Variants in EYA2 observed in about 807,000 individuals in gnomAD.
EYA2 encodes the protein EYA transcriptional coactivator and phosphatase 2.
A neutral mutation model predicts 69.2 loss-of-function variants in EYA2; 31 were observed. The ratio of observed to expected loss-of-function variants is 0.45; its 90% CI spans 0.34 to 0.60. The LOEUF (loss-of-function observed/expected upper bound fraction) is 0.60, where lower values mean the gene tolerates loss of function less well. EYA2 is among the 20% of genes least tolerant of loss of function. EYA2 has a pLI of 0.02. For synonymous variants in EYA2, 257 were observed against 279.4 expected, an observed-to-expected ratio of 0.92 and a Z score of 0.80; for missense variants, 622 against 701.2, an observed-to-expected ratio of 0.89 and a Z score of 1.28.
intron 1 of EYA2, among the ~76,000 whole-genome samples, chr20:46,986,314 TATATATA>T (rs1033804333): frequency 2.0e-5 from 3 of 146,838 alleles, no homozygotes; most frequent in African/African-American, 7.4e-5. Context: ...TATTATATAT[TATATATA>T]ATATCTCTAT....
intron 1 of EYA2, among the ~76,000 whole-genome samples, chr20:46,913,938 GT>G (rs779272628): frequency 2.0e-5 from 3 of 152,202 alleles, no homozygotes; most frequent in Non-Finnish European, 2.9e-5. Flanking sequence ...GAGAGTTGAG[GT>G]TAATCAGCAT....
At chr20:46,938,351 G>GTAGTATC (rs1986009811) in intron 1 of EYA2, among the ~76,000 whole-genome samples, 1 of 152,202 alleles carries the variant, frequency 6.6e-6, no homozygotes, top group South Asian at 2.1e-4. Flanking sequence ...AGCATGTGCA[G>GTAGTATC]TAGTATCTAT....
At chr20:46,949,615 C>T (rs771357309) in intron 1 of EYA2, among the ~76,000 whole-genome samples, 1 of 152,206 alleles carries the variant, frequency 6.6e-6, no homozygotes, top group Non-Finnish European at 1.5e-5. Flanking sequence ...TCAGCCTGCA[C>T]ATGGAGCTAG....
intron 10 of EYA2, among the ~76,000 whole-genome samples, chr20:47,167,813 C>T (rs904828439): frequency 2.0e-5 from 3 of 152,104 alleles, no homozygotes; most frequent in Non-Finnish European, 4.4e-5. Context: ...TCCTGATTGC[C>T]ATTTAAAGTA....
chr20:47,041,866 T>C (rs1305675299), intron 5 of EYA2, among the ~76,000 whole-genome samples: 3 of 152,152 alleles, frequency 2.0e-5, no homozygotes, highest in African/African-American at 7.2e-5. Context: ...AGACTTCTTT[T>C]GGTTCAAAAG....
intron 1 of EYA2, among the ~76,000 whole-genome samples, chr20:46,948,229 T>C (rs1431939571): frequency 2.0e-5 from 3 of 152,200 alleles, no homozygotes; most frequent in African/African-American, 7.2e-5. Flanking sequence ...TATTTTTGGC[T>C]TTGCGGGCCA....
At chr20:46,906,222 A>G (rs1984349407) in intron 1 of EYA2, among the ~76,000 whole-genome samples, 1 of 152,274 alleles carries the variant, frequency 6.6e-6, no homozygotes, top group Non-Finnish European at 1.5e-5. Flanking sequence ...GCACACAGCC[A>G]TGGCAGAGTT....
chr20:47,074,007 G>A lies in EYA2; in HGVS notation c.484-151G>A, dbSNP rs972342357. On this transcript the variant is annotated intron_variant, in intron 6 of 15. Transcript: ENST00000327619. ...CTCCTTGCACTTGAATCCTTGCCCCGGGGTCTGCTTCTGGGAAACCAAAAT... is the reference window on the plus strand; with the variant it reads ...CTCCTTGCACTTGAATCCTTGCCCCAGGGTCTGCTTCTGGGAAACCAAAAT... 4.9e-5 allele frequency: 31 copies of A among 635,074 alleles called. No homozygotes were observed. In the Middle Eastern group the frequency reaches 1.0e-3, roughly 21 times the overall value. 39.3% of individuals were successfully genotyped at this position (635,074 alleles called of 1,614,324 possible).
intron 15 of EYA2, among the ~76,000 whole-genome samples, chr20:47,184,022 A>G (rs1007610608): frequency 2.0e-5 from 3 of 152,168 alleles, no homozygotes; most frequent in Non-Finnish European, 4.4e-5. Flanking sequence ...AGGAAATGCA[A>G]AAATGTTCAG....
chr20:47,081,605 C>T (rs1283422828), intron 7 of EYA2, among the ~76,000 whole-genome samples: 3 of 151,636 alleles, frequency 2.0e-5, no homozygotes, highest in East Asian at 4.0e-4. Flanking sequence ...ATGGCGAAAC[C>T]CCGTCTCTAC....
chr20:47,107,525 C>CAAAAAAA (rs111607473), intron 9 of EYA2, among the ~76,000 whole-genome samples: 1 of 125,274 alleles, frequency 8.0e-6, no homozygotes, highest in African/African-American at 3.1e-5. Flanking sequence ...GACTCTGTAT[C>CAAAAAAA]AAAAAAAAAA....
At chr20:47,069,088 T>G (rs1203979584) in intron 5 of EYA2, among the ~76,000 whole-genome samples, 1 of 152,206 alleles carries the variant, frequency 6.6e-6, no homozygotes, top group Non-Finnish European at 1.5e-5. Context: ...TTCAGTCCAA[T>G]TCCTACCAAA....
In EYA2 at chr20:47,134,591, AACAC is replaced by A. The variant is rs1026299098; in HGVS notation, c.889-8459_889-8456del. On this transcript the variant is annotated intron_variant, in intron 9 of 15. Coordinates refer to ENST00000327619, the MANE Select transcript of EYA2 (RefSeq NM_005244.5). ...CCCACCACATACACACACACACACA[AACAC>A]ACACACACCCCAACTGGAATAGGTG... Among the ~76,000 whole-genome samples the A allele has an allele frequency of 4.5e-5, 6 of 131,880 alleles. No individual in the cohort carries two copies. The East Asian group carries it at 5.9e-4, about 13-fold the overall frequency. The allele number at this position is 131,880 out of a possible 152,430, so 86.5% of individuals were successfully genotyped here.
intron 1 of EYA2, among the ~76,000 whole-genome samples, chr20:46,979,254 C>T (rs772006809): frequency 2.0e-5 from 3 of 152,196 alleles, no homozygotes; most frequent in Non-Finnish European, 4.4e-5. Context: ...CTGCCCCCAC[C>T]CTCCAGCTGT....
chr20:47,019,936 A>G (rs1238161058), intron 5 of EYA2, among the ~76,000 whole-genome samples: 1 of 148,576 alleles, frequency 6.7e-6, no homozygotes, highest in East Asian at 2.0e-4. Context: ...ATGCCACTGC[A>G]CTCCAGCCTG....
chr20:46,976,688 A>G (rs968317349), intron 1 of EYA2, among the ~76,000 whole-genome samples: 2 of 152,272 alleles, frequency 1.3e-5, no homozygotes, highest in Non-Finnish European at 2.9e-5. Flanking sequence ...CCCGGACCCT[A>G]AGAGAGTTTT....
chr20:46,982,332 C>T (rs1039468428), intron 1 of EYA2, among the ~76,000 whole-genome samples: 3 of 152,136 alleles, frequency 2.0e-5, no homozygotes, highest in Non-Finnish European at 2.9e-5. Context: ...TCTTATTATA[C>T]CTTCTTTAAA....
At chr20:46,983,044 A>T (rs1980941742) in intron 1 of EYA2, among the ~76,000 whole-genome samples, 1 of 152,180 alleles carries the variant, frequency 6.6e-6, no homozygotes, top group Non-Finnish European at 1.5e-5. Flanking sequence ...AAGTGCTGGG[A>T]TTACAGATGT....
intron 9 of EYA2, among the ~76,000 whole-genome samples, chr20:47,097,955 A>G (rs1473037856): frequency 3.9e-5 from 6 of 152,184 alleles, no homozygotes; most frequent in Non-Finnish European, 7.3e-5. Context: ...GCTTCCACGC[A>G]TGGGTAGGAA....
Sources: gnomAD v4.1 joint callset for allele counts (sites outside exome capture counted in the v4.1 genomes callset) on GRCh38, gnomAD v4.1.1 for gene constraint, MANE v1.5 for transcripts, NCBI Gene and HGNC (gene_info 2026-07-23, HGNC 2026-07-21) for gene names.